The following CAPG variants were observed in gnomAD, a reference collection of about 807,000 sequenced individuals.
CAPG encodes the protein capping actin protein, gelsolin like.
CAPG carries 32 observed loss-of-function variants against 44.6 expected under a neutral mutation model. That is an observed-to-expected ratio of 0.72 (90% CI 0.54 to 0.96). The LOEUF (loss-of-function observed/expected upper bound fraction) is 0.96. CAPG is among the 50% of genes least tolerant of loss of function. The pLI is 0.00. For synonymous variants in CAPG, 175 were observed against 179.6 expected (o/e 0.97, Z 0.20); for missense variants, 412 against 438.3 (o/e 0.94, Z 0.54).
At position 85,398,164 on chromosome 2, in the gene CAPG, G is replaced by C. The variant is rs72831546; in HGVS notation, c.760-12C>G. ...GTGGCATCAGAGACCTGGGGAGGAG[G>C]GACAGTGCCTGATCTCACCCCCCAC... On this transcript the variant is annotated splice_polypyrimidine_tract_variant and intron_variant, in intron 7 of 9. Transcript: ENST00000263867. The C allele has an allele frequency of 0.019, 30,528 of 1,611,660 alleles. 346 individuals carry two copies. The highest frequency in any genetic ancestry group is 0.021 in the Non-Finnish European group (25,121 of 1,179,146).
chr2:85,414,100 G>A (rs1390945161), upstream of CAPG: 1 of 152,354 alleles, frequency 6.6e-6, no homozygotes, highest in Non-Finnish European at 1.5e-5. Flanking sequence ...GCCGGTCTGA[G>A]CTGGCGGGGA....
intron 8 of CAPG, among the ~76,000 whole-genome samples, chr2:85,396,244 G>C (rs72831544): frequency 0.2 from 31,135 of 151,966 alleles, 3,412 homozygotes; most frequent in South Asian, 0.26. Context: ...GGAGTGCAGC[G>C]GCACCAACAC....
At chr2:85,404,750 A>T (rs1249335142) in intron 1 of CAPG, among the ~76,000 whole-genome samples, 1 of 151,970 alleles carries the variant, frequency 6.6e-6, no homozygotes, top group Non-Finnish European at 1.5e-5. Flanking sequence ...TCTGTCTCAA[A>T]AAAATAAAAT....
At chr2:85,392,441 T>TGG (rs112353081), downstream of CAPG, among the ~76,000 whole-genome samples, 30 of 141,564 alleles carry the variant, frequency 2.1e-4, no homozygotes, top group African/African-American at 7.6e-4. Flanking sequence ...AGCTGGGGAG[T>TGG]GGGGGGCAGG....
At chr2:85,414,087 C>A, upstream of CAPG, 1 of 152,448 alleles carries the variant, frequency 6.6e-6, no homozygotes, top group Non-Finnish European at 1.5e-5. Flanking sequence ...AGGGAGGGGC[C>A]CGGCCGGTCT....
At chr2:85,406,908 C>G (rs1687185993) in intron 1 of CAPG, among the ~76,000 whole-genome samples, 1 of 151,026 alleles carries the variant, frequency 6.6e-6, no homozygotes, top group South Asian at 2.1e-4. Flanking sequence ...ATCTCTTTAC[C>G]CTTGATGTTT....
chr2:85,401,608 C>G lies in CAPG; in HGVS notation c.272G>C (p.Arg91Pro), dbSNP rs371246622. ...CTGCACCTCGCGGTGCTGCACAGGCCGCTCTCCCAGCAGCGTGTTGAGGTG... is the reference window on the plus strand; with the variant it reads ...CTGCACCTCGCGGTGCTGCACAGGCGGCTCTCCCAGCAGCGTGTTGAGGTG... ...AVHLNTLLGE[R>P]PVQHREVQGN... is the part of the protein sequence containing the mutation. Residue 91 changes from arginine (R) to proline (P), a missense_variant, in exon 4 of 10, where the codon CGG (arginine) becomes CCG (proline). Coordinates refer to ENST00000263867, the MANE Select transcript of CAPG (RefSeq NM_001747.4). The G allele has an allele frequency of 1.5e-4, 248 of 1,613,978 alleles. No homozygotes were observed. The highest frequency in any genetic ancestry group is 2.1e-4 in the Non-Finnish European group (244 of 1,179,976).
At chr2:85,413,423 T>C (rs1413717561), upstream of CAPG, among the ~76,000 whole-genome samples, 12 of 151,964 alleles carry the variant, frequency 7.9e-5, no homozygotes, top group South Asian at 6.2e-4. Context: ...CTACTAATAA[T>C]ACAAAAATTA....
intron 8 of CAPG, 101 bp downstream of exon 8, chr2:85,397,919 G>A: frequency 1.6e-6 from 2 of 1,229,938 alleles, no homozygotes; most frequent in Non-Finnish European, 2.3e-6. Flanking sequence ...TCCTGAGGCT[G>A]TCTTTTACAA....
chr2:85,395,761 A>G lies in CAPG; in HGVS notation c.893-135T>C. The G allele has an allele frequency of 1.6e-6, 1 of 638,742 alleles. No homozygotes were observed. The highest frequency in any genetic ancestry group is 2.8e-6 in the Non-Finnish European group (1 of 358,710). 39.6% of individuals were successfully genotyped at this position (638,742 alleles called of 1,614,324 possible). Reference sequence around the variant, plus strand: ...CAATAAATGGACCAGGGGTCCCAAGAATGCCGAGGGGCTCTTTGGAGATGT... The same window carrying G: ...CAATAAATGGACCAGGGGTCCCAAGGATGCCGAGGGGCTCTTTGGAGATGT... On this transcript the variant is annotated intron_variant, in intron 8 of 9. Coordinates refer to ENST00000263867, the MANE Select transcript of CAPG (RefSeq NM_001747.4). The surrounding 1 kb of genome is among the most constrained non-coding windows in gnomAD (Gnocchi z 4.3).
At chr2:85,398,899 C>G (rs1686741636) in intron 6 of CAPG, 117 bp from the exon 7 acceptor site, 1 of 869,664 alleles carries the variant, frequency 1.1e-6, no homozygotes, top group Non-Finnish European at 1.8e-6. Context: ...CTAGGGCACC[C>G]AGCAGAGGTG....
At chr2:85,413,588 A>AAAC (rs774388648), upstream of CAPG, among the ~76,000 whole-genome samples, 14 of 152,158 alleles carry the variant, frequency 9.2e-5, no homozygotes, top group Admixed American at 1.3e-4. Context: ...CTCAAAAAAC[A>AAAC]AACAACAACA....
rs188274212 is a variant in CAPG at position 85,406,612 on chromosome 2, A to C, written c.-14+3705T>G. Among the ~76,000 whole-genome samples, 440 of 151,930 alleles carry C rather than the reference A, an allele frequency of 2.9e-3. 1 individual carries two copies. The highest frequency in any genetic ancestry group is 9.9e-3 in the African/African-American group (409 of 41,430). ...AGTGGCTCATGCCTGTAATCCCAGC[A>C]CTTTGGGAGGCCAAGGCGGGCAGAT... On this transcript the variant is annotated intron_variant, in intron 1 of 9. Transcript: ENST00000263867.
intron 1 of CAPG, among the ~76,000 whole-genome samples, chr2:85,404,135 C>T (rs1687035836): frequency 6.6e-6 from 1 of 151,892 alleles, no homozygotes; most frequent in Non-Finnish European, 1.5e-5. Context: ...ATGCTAATTA[C>T]CTTGATTTGA....
upstream of CAPG, among the ~76,000 whole-genome samples, chr2:85,419,535 AT>A (rs996402650): frequency 6.6e-6 from 1 of 152,108 alleles, no homozygotes; most frequent in Non-Finnish European, 1.5e-5. Flanking sequence ...TTCTCAGCTG[AT>A]TTCTGGCTCC....
At chr2:85,406,934 CTT>C (rs575138210) in intron 1 of CAPG, among the ~76,000 whole-genome samples, 14 of 141,850 alleles carry the variant, frequency 9.9e-5, no homozygotes, top group African/African-American at 7.7e-5. Flanking sequence ...TAGTAATTTT[CTT>C]TTTTTTTTTT....
At position 85,402,121 on chromosome 2, in the gene CAPG, A is replaced by T. The variant is rs1553426316; in HGVS notation, c.23+2T>A. On this transcript the variant is annotated splice_donor_variant, in intron 2 of 9. Coordinates refer to ENST00000263867, the MANE Select transcript of CAPG (RefSeq NM_001747.4). LOFTEE classifies it high-confidence loss of function. ...TGAAAGGAGATGGGGCATGCAGCTT[A>T]CCTCTGGGGAATGGCTGTGTACATG... The T allele has an allele frequency of 1.9e-6, 3 of 1,608,508 alleles. No homozygotes were observed.
intron 1 of CAPG, among the ~76,000 whole-genome samples, chr2:85,416,751 T>A (rs1322785421): frequency 6.6e-6 from 1 of 152,164 alleles, no homozygotes; most frequent in Non-Finnish European, 1.5e-5. Context: ...TGACCTCAGG[T>A]GATCTGCCTG....
rs114744528 is a variant in CAPG at position 85,417,299 on chromosome 2, G to T, written c.-14+968C>A. Among the ~76,000 whole-genome samples, 508 of 152,254 alleles carry T rather than the reference G, an allele frequency of 3.3e-3. 6 individuals are homozygous for T. Among genetic ancestry groups the T allele is most frequent in the African/African-American group, 0.012 (491 of 41,518 alleles). On this transcript the variant is annotated intron_variant, in intron 1 of 5. Coordinates refer to the CAPG transcript ENST00000409275. ...ATCCTCTTATTATCCTCCTTTGACA[G>T]ATGAGGAAACAGAGATAAAGAGAGA...
Sources: allele counts gnomAD v4.1 joint callset (sites outside exome capture counted in the v4.1 genomes callset), GRCh38; gene constraint gnomAD v4.1.1; non-coding constraint Gnocchi (gnomAD v3.1); transcripts MANE v1.5; gene names NCBI Gene and HGNC (gene_info 2026-07-23, HGNC 2026-07-21).